TMEFF1: variants seen among roughly 807,000 people sequenced by gnomAD.
TMEFF1 encodes the protein transmembrane protein with EGF like and two follistatin like domains 1.
In TMEFF1, 20 loss-of-function variants were observed where a neutral mutation model predicts 47.5. The ratio of observed to expected loss-of-function variants is 0.42; its 90% CI spans 0.30 to 0.61. The LOEUF (loss-of-function observed/expected upper bound fraction) is 0.61. Among genes scored for constraint, TMEFF1 ranks in the 20% least tolerant of loss-of-function variants. TMEFF1 has a pLI of 0.19. For synonymous variants in TMEFF1, 162 were observed against 166.3 expected, an observed-to-expected ratio of 0.97 and a Z score of 0.20; for missense variants, 411 against 471.1, an observed-to-expected ratio of 0.87 and a Z score of 1.18.
chr9:100,520,987 C>G (rs1838150814), intron 5 of TMEFF1, among the ~76,000 whole-genome samples: 2 of 152,178 alleles, frequency 1.3e-5, no homozygotes, highest in Non-Finnish European at 2.9e-5. Flanking sequence ...TTAGCTGCTG[C>G]TTCTAGATGC....
At chr9:100,527,208 T>TA (rs937391881) in intron 5 of TMEFF1, among the ~76,000 whole-genome samples, 6 of 151,824 alleles carry the variant, frequency 4.0e-5, no homozygotes, top group African/African-American at 1.5e-4. Context: ...ATTGTCTTTT[T>TA]AAAAAATGCC....
intron 1 of TMEFF1, among the ~76,000 whole-genome samples, chr9:100,482,041 C>T (rs1243377157): frequency 4.6e-5 from 7 of 152,048 alleles, no homozygotes. Flanking sequence ...TCCCAAAGTG[C>T]TGGAATTACA....
chr9:100,491,519 C>T (rs1052825466), intron 1 of TMEFF1, among the ~76,000 whole-genome samples: 7 of 152,200 alleles, frequency 4.6e-5, no homozygotes, highest in African/African-American at 9.6e-5. Flanking sequence ...GGACTTTCCC[C>T]AGCAGTGCTC....
In TMEFF1 at chr9:100,480,766, T is replaced by G. The variant is rs142959275; in HGVS notation, c.196+7026T>G. On this transcript the variant is annotated intron_variant, in intron 1 of 9. Transcript: ENST00000374879. ...ATTATGTATTTAAGACTAAAATGGC[T>G]AAAATAGATATCATTTTAAATGGTT... 1.3e-3 allele frequency among the ~76,000 whole-genome samples: 193 copies of G among 152,348 alleles called. 4 individuals carry two copies. The East Asian group carries it at 0.032, about 25-fold the overall frequency.
intron 1 of TMEFF1, among the ~76,000 whole-genome samples, chr9:100,479,450 A>G (rs1025386003): frequency 6.6e-6 from 1 of 152,192 alleles, no homozygotes; most frequent in Non-Finnish European, 1.5e-5. Flanking sequence ...ACAAAATTGT[A>G]CGACTGTCAC....
chr9:100,506,075 T>C (rs2118348619), intron 2 of TMEFF1, among the ~76,000 whole-genome samples: 1 of 152,350 alleles, frequency 6.6e-6, no homozygotes, highest in East Asian at 1.9e-4. Flanking sequence ...AAGATTCTGC[T>C]GATACTGAAT....
intron 1 of TMEFF1, among the ~76,000 whole-genome samples, chr9:100,492,164 G>A (rs747767572): frequency 1.2e-4 from 19 of 152,160 alleles, no homozygotes; most frequent in Non-Finnish European, 1.8e-4. Flanking sequence ...GATTGCAGGC[G>A]TGAGCCACCG....
At chr9:100,477,866 A>G (rs1358946915) in intron 1 of TMEFF1, among the ~76,000 whole-genome samples, 2 of 152,020 alleles carry the variant, frequency 1.3e-5, no homozygotes, top group Admixed American at 6.6e-5. Flanking sequence ...AGCTCAGGCA[A>G]TCCGCCTACC....
At chr9:100,554,010 T>G (rs1001294194) in intron 7 of TMEFF1, among the ~76,000 whole-genome samples, 4 of 152,206 alleles carry the variant, frequency 2.6e-5, no homozygotes, top group African/African-American at 7.2e-5. Flanking sequence ...GATATGCTCA[T>G]ACAGCCTATA....
chr9:100,565,261 A>G (rs1049958847), intron 8 of TMEFF1, among the ~76,000 whole-genome samples: 5 of 152,060 alleles, frequency 3.3e-5, no homozygotes, highest in African/African-American at 9.7e-5. Context: ...TATTGATCCT[A>G]TCACCTTTTC....
chr9:100,547,770 G>T lies in TMEFF1; in HGVS notation c.587G>T (p.Gly196Val). The change falls in exon 6 of 10, where the codon GGA becomes GTA. Residue 196 changes from glycine to valine, a missense_variant. Physicochemically the swap from Gly to Val is moderately radical, Grantham distance 109. Transcript: ENST00000374879. Reference sequence around the variant, plus strand: ...TGTGTATGTAATATAGATTGCAGTGGATACAGTTTTAATCCTGTGTGTGCT... The same window carrying T: ...TGTGTATGTAATATAGATTGCAGTGTATACAGTTTTAATCCTGTGTGTGCT... The part of the protein sequence containing the change: ...VGCVCNIDCS[G>V]YSFNPVCASD... The T allele has an allele frequency of 6.3e-7, 1 of 1,596,444 alleles. No homozygotes were observed. Among genetic ancestry groups the T allele is most frequent in the South Asian group, 1.1e-5 (1 of 87,768 alleles).
intron 5 of TMEFF1, among the ~76,000 whole-genome samples, chr9:100,527,676 C>T (rs913663807): frequency 5.9e-5 from 9 of 152,218 alleles, no homozygotes; most frequent in Non-Finnish European, 1.2e-4. Context: ...GGGCACCCGC[C>T]ATTGCCCAGG....
intron 1 of TMEFF1, among the ~76,000 whole-genome samples, chr9:100,492,341 T>C (rs1045182179): frequency 5.9e-5 from 9 of 152,248 alleles, no homozygotes; most frequent in Non-Finnish European, 1.3e-4. Flanking sequence ...TCTTTGAGTT[T>C]AGTTTTCATA....
intron 7 of TMEFF1, among the ~76,000 whole-genome samples, chr9:100,556,537 G>A (rs528528389): frequency 2.0e-5 from 3 of 152,236 alleles, no homozygotes; most frequent in South Asian, 4.1e-4. Context: ...GTAAACAGAT[G>A]TGGGGAAGTC....
At chr9:100,562,736 A>C (rs1436864614) in intron 8 of TMEFF1, among the ~76,000 whole-genome samples, 1 of 151,878 alleles carries the variant, frequency 6.6e-6, no homozygotes, top group African/African-American at 2.4e-5. Flanking sequence ...GCTCACTGCA[A>C]CCTCGGCTTC....
chr9:100,552,924 G>A (rs896081109), intron 7 of TMEFF1, among the ~76,000 whole-genome samples: 8 of 151,768 alleles, frequency 5.3e-5, no homozygotes, highest in African/African-American at 1.5e-4. Flanking sequence ...TATGACCAGT[G>A]ACTACCATAT....
intron 7 of TMEFF1, among the ~76,000 whole-genome samples, chr9:100,560,879 A>T (rs1020993408): frequency 6.6e-6 from 1 of 152,238 alleles, no homozygotes; most frequent in Non-Finnish European, 1.5e-5. Context: ...CACTTGGGAA[A>T]AAAATCAATG....
chr9:100,485,420 T>G (rs1046743146), intron 1 of TMEFF1, among the ~76,000 whole-genome samples: 15 of 152,252 alleles, frequency 9.9e-5, no homozygotes, highest in South Asian at 8.3e-4. Flanking sequence ...TGTTTAACAT[T>G]TGAGGATTTG....
At chr9:100,566,321 G>A (rs555340598) in intron 8 of TMEFF1, among the ~76,000 whole-genome samples, 5 of 152,216 alleles carry the variant, frequency 3.3e-5, no homozygotes, top group South Asian at 2.1e-4. Context: ...TTTGAAACTC[G>A]TAGATCCATA....
Sources: gnomAD v4.1 joint callset for allele counts (sites outside exome capture counted in the v4.1 genomes callset) on GRCh38, gnomAD v4.1.1 for gene constraint, MANE v1.5 for transcripts, NCBI Gene and HGNC (gene_info 2026-07-23, HGNC 2026-07-21) for gene names.